SEMA3D: variants seen among roughly 807,000 people sequenced by gnomAD.
The protein encoded by SEMA3D is semaphorin-3D.
Under a neutral mutation model 100.1 loss-of-function variants are expected in SEMA3D, and 84 were observed. The ratio of observed to expected loss-of-function variants is 0.84; its 90% confidence interval spans 0.70 to 1.01. SEMA3D has a LOEUF of 1.01. SEMA3D is among the 50% of genes least tolerant of loss of function. The probability of loss-of-function intolerance (pLI) is 0.00; values close to 1 mark genes in which losing one functional copy is unlikely to be tolerated. For missense variants in SEMA3D, 875 were observed against 934.1 expected, an observed-to-expected ratio of 0.94 and a Z score of 0.82; for synonymous variants, 312 against 320.7, an observed-to-expected ratio of 0.97 and a Z score of 0.29.
At chr7:85,099,834 GATGTCTGTTA>G in intron 3 of SEMA3D, among the ~76,000 whole-genome samples, 1 of 152,002 alleles carries the variant, frequency 6.6e-6, no homozygotes, top group East Asian at 1.9e-4. Context: ...TCCTTGGTGA[GATGTCTGTTA>G]AGGCCTTTTG....
chr7:85,070,681 ATT>A (rs1480419389), intron 6 of SEMA3D, among the ~76,000 whole-genome samples: 4 of 152,200 alleles, frequency 2.6e-5, no homozygotes, highest in Non-Finnish European at 5.9e-5. Flanking sequence ...TAATTCTCTT[ATT>A]CATGGAACTT....
In SEMA3D at chr7:84,996,196, A is replaced by C. The variant is rs1415428694; in HGVS notation, c.*3244T>G. 1 of 152,008 alleles carries C rather than the reference A, an allele frequency of 6.6e-6. No homozygotes were observed. Among genetic ancestry groups the C allele is most frequent in the Non-Finnish European group, 1.5e-5 (1 of 67,868 alleles). The allele number at this position is 152,008 out of a possible 1,614,324, so 9.4% of individuals were successfully genotyped here. On this transcript the variant is annotated 3_prime_UTR_variant, in exon 19 of 19. Coordinates refer to ENST00000284136, the MANE Select transcript of SEMA3D (RefSeq NM_001384900.1). ...TTTTTTGGACAGCTGAATGATATCAAGTTGTTCTTGGAAATTCAATTATGA... is the reference window on the plus strand; with the variant it reads ...TTTTTTGGACAGCTGAATGATATCACGTTGTTCTTGGAAATTCAATTATGA...
the SEMA3D span, among the ~76,000 whole-genome samples, chr7:85,218,474 T>G: frequency 3.3e-5 from 5 of 152,070 alleles, no homozygotes; most frequent in Non-Finnish European, 7.4e-5. Flanking sequence ...TTGAAAATTT[T>G]GGGTATTTTT....
At chr7:85,002,150 T>A (rs543996448) in intron 18 of SEMA3D, among the ~76,000 whole-genome samples, 2 of 152,228 alleles carry the variant, frequency 1.3e-5, no homozygotes, top group East Asian at 3.9e-4. Context: ...CCCCTCTAGT[T>A]CTGTCCCCAC....
intron 9 of SEMA3D, among the ~76,000 whole-genome samples, chr7:85,049,987 G>T (rs1240933867): frequency 1.3e-5 from 2 of 151,140 alleles, no homozygotes; most frequent in Non-Finnish European, 3.0e-5. Context: ...ATGCAAAACA[G>T]CCTTGAGGTG....
chr7:85,081,426 A>C (rs1788060663), intron 5 of SEMA3D, 91 bp downstream of exon 5: 5 of 788,660 alleles, frequency 6.3e-6, no homozygotes, highest in South Asian at 1.5e-5. Context: ...ATAATACACT[A>C]ATACCATTAA....
chr7:85,185,684 G>A (rs1791520113), intron 1 of SEMA3D, among the ~76,000 whole-genome samples: 1 of 152,122 alleles, frequency 6.6e-6, no homozygotes, highest in African/African-American at 2.4e-5. Context: ...TCCTCCTCCT[G>A]TCAACTTCCC....
chr7:85,124,227 T>C (rs1026745383), intron 2 of SEMA3D, among the ~76,000 whole-genome samples: 1 of 152,064 alleles, frequency 6.6e-6, no homozygotes, highest in Non-Finnish European at 1.5e-5. Context: ...CTTGTTAGTT[T>C]TAAAAGTTAG....
intron 12 of SEMA3D, 24 bp from the exon 13 acceptor site, chr7:85,022,637 T>C (rs1243266493): frequency 2.0e-6 from 3 of 1,500,480 alleles, no homozygotes; most frequent in Non-Finnish European, 2.8e-6. Flanking sequence ...TGGAGGAAAG[T>C]AAAGACATTG....
chr7:85,249,150 T>C, the SEMA3D span, among the ~76,000 whole-genome samples: 2 of 152,164 alleles, frequency 1.3e-5, no homozygotes, highest in Non-Finnish European at 2.9e-5. Context: ...AACTATAGTC[T>C]TTTTAAGTGT....
chr7:85,238,478 C>A, the SEMA3D span, among the ~76,000 whole-genome samples: 1 of 152,084 alleles, frequency 6.6e-6, no homozygotes, highest in Non-Finnish European at 1.5e-5. Flanking sequence ...CCTGGATTGC[C>A]TTTGCTCTTT....
chr7:85,027,126 G>C (rs1326422854), intron 12 of SEMA3D, among the ~76,000 whole-genome samples: 2 of 152,058 alleles, frequency 1.3e-5, no homozygotes, highest in Non-Finnish European at 2.9e-5. Context: ...TGATATGTTA[G>C]AGTAAAAAAG....
intron 3 of SEMA3D, among the ~76,000 whole-genome samples, chr7:85,110,156 T>C (rs1445900410): frequency 2.0e-5 from 3 of 151,984 alleles, no homozygotes; most frequent in African/African-American, 7.2e-5. Context: ...TATGTTTGCA[T>C]GGCAATAGTG....
intron 3 of SEMA3D, among the ~76,000 whole-genome samples, chr7:85,116,217 TATAA>T (rs1416578579): frequency 3.4e-5 from 5 of 148,862 alleles, no homozygotes; most frequent in African/African-American, 7.3e-5. Flanking sequence ...CATATACATA[TATAA>T]ATACATATAT....
At chr7:85,207,948 G>A in the SEMA3D span, among the ~76,000 whole-genome samples, 1,778 of 152,000 alleles carry the variant, frequency 0.012, 12 homozygotes, top group Non-Finnish European at 0.018. Context: ...TCAGTTAGAC[G>A]AAAATATCTT....
At chr7:85,041,966 C>G in intron 10 of SEMA3D, 1 of 528,044 alleles carries the variant, frequency 1.9e-6, no homozygotes, top group East Asian at 2.9e-5. Flanking sequence ...AGGACTCTTA[C>G]AAAGAGAAGA....
chr7:85,177,070 A>T (rs1395926198), intron 1 of SEMA3D, among the ~76,000 whole-genome samples: 1 of 152,124 alleles, frequency 6.6e-6, no homozygotes, highest in Non-Finnish European at 1.5e-5. Context: ...GCGTAGGTTC[A>T]TTCTATGATG....
intron 6 of SEMA3D, among the ~76,000 whole-genome samples, chr7:85,069,031 C>T (rs183833582): frequency 1.1e-4 from 16 of 152,148 alleles, no homozygotes; most frequent in African/African-American, 3.9e-4. Flanking sequence ...ATGAATATGG[C>T]CCCATGAGAT....
At chr7:85,120,157 G>A (rs929058000) in intron 3 of SEMA3D, among the ~76,000 whole-genome samples, 1 of 151,908 alleles carries the variant, frequency 6.6e-6, no homozygotes, top group African/African-American at 2.4e-5. Context: ...GTTGCTTCAT[G>A]TAGTTTATCT....
Sources: allele counts gnomAD v4.1 joint callset (sites outside exome capture counted in the v4.1 genomes callset), GRCh38; gene constraint gnomAD v4.1.1; transcripts MANE v1.5; gene names NCBI Gene and HGNC (gene_info 2026-07-23, HGNC 2026-07-21).